Variants in ANO4 observed in about 807,000 individuals in gnomAD.
The protein encoded by ANO4 is anoctamin 4, also known as anoctamin-4.
In ANO4, 69 loss-of-function variants were observed where a neutral mutation model predicts 141.9. That is an observed-to-expected ratio of 0.49 (90% confidence interval 0.40 to 0.59). The LOEUF (loss-of-function observed/expected upper bound fraction) is 0.59, where lower values mean the gene tolerates loss of function less well. Ranked by LOEUF, ANO4 falls within the 20% of genes least tolerant of loss-of-function variation. The probability of loss-of-function intolerance (pLI) is 0.00; values close to 1 mark genes in which losing one functional copy is unlikely to be tolerated. For synonymous variants in ANO4, 350 were observed against 394.3 expected (o/e 0.89, Z 1.33); for missense variants, 894 against 1,162.2 (o/e 0.77, Z 3.36).
intron 2 of ANO4, 115 bp from the exon 3 acceptor site, chr12:100,922,111 T>C: frequency 1.6e-6 from 1 of 619,014 alleles, no homozygotes; most frequent in Non-Finnish European, 2.5e-6. Context: ...AGGAGGATCA[T>C]TGGCAAACCA....
chr12:100,783,819 G>A (rs527412026), intron 3 of ANO4, among the ~76,000 whole-genome samples: 1 of 152,248 alleles, frequency 6.6e-6, no homozygotes, highest in South Asian at 2.1e-4. Context: ...GGGTGTTGCT[G>A]CAGAAAAACC....
At chr12:101,038,210 G>A (rs1452752057) in intron 10 of ANO4, among the ~76,000 whole-genome samples, 2 of 152,176 alleles carry the variant, frequency 1.3e-5, no homozygotes, top group African/African-American at 2.4e-5. Context: ...ACAAAGGTTT[G>A]CTAGAGCCAT....
chr12:101,067,517 A>G (rs1004786812), intron 14 of ANO4, among the ~76,000 whole-genome samples: 3 of 152,192 alleles, frequency 2.0e-5, no homozygotes, highest in African/African-American at 7.2e-5. Flanking sequence ...CCTTGTCTCT[A>G]CTAAAAATAT....
At chr12:100,939,008 A>G (rs1313934227) in intron 3 of ANO4, among the ~76,000 whole-genome samples, 1 of 152,210 alleles carries the variant, frequency 6.6e-6, no homozygotes, top group East Asian at 1.9e-4. Context: ...ACCTTATGCC[A>G]AACAACTATG....
At chr12:100,828,435 A>G (rs1305465273) in intron 1 of ANO4, among the ~76,000 whole-genome samples, 1 of 152,046 alleles carries the variant, frequency 6.6e-6, no homozygotes, top group Non-Finnish European at 1.5e-5. Flanking sequence ...TTTGCTAAAA[A>G]GCGTAAAAGT....
chr12:100,952,391 G>A (rs2043005441), intron 5 of ANO4, among the ~76,000 whole-genome samples: 1 of 152,228 alleles, frequency 6.6e-6, no homozygotes, highest in African/African-American at 2.4e-5. Context: ...TTAGGAAAGA[G>A]TCTGGACATA....
chr12:100,903,911 G>A (rs1468339811), intron 2 of ANO4, among the ~76,000 whole-genome samples: 10 of 152,160 alleles, frequency 6.6e-5, no homozygotes, highest in Non-Finnish European at 1.3e-4. Context: ...ATAGACCATC[G>A]CATCTGAGTA....
intron 1 of ANO4, among the ~76,000 whole-genome samples, chr12:100,868,078 A>G (rs1336662069): frequency 6.6e-6 from 1 of 152,210 alleles, no homozygotes; most frequent in Non-Finnish European, 1.5e-5. Context: ...ATGGTGTACC[A>G]CAGCAATATT....
At chr12:100,725,484 C>T (rs1190149480) in intron 1 of ANO4, among the ~76,000 whole-genome samples, 4 of 151,670 alleles carry the variant, frequency 2.6e-5, no homozygotes, top group Non-Finnish European at 5.9e-5. Context: ...GTAGCTGGGA[C>T]TACAGGCGCC....
At chr12:100,815,889 A>G (rs1365353559) in intron 1 of ANO4, among the ~76,000 whole-genome samples, 2 of 152,102 alleles carry the variant, frequency 1.3e-5, no homozygotes, top group Non-Finnish European at 2.9e-5. Flanking sequence ...GCATATTTAA[A>G]TATTGCAGTA....
intron 1 of ANO4, among the ~76,000 whole-genome samples, chr12:100,840,822 C>G (rs150261955): frequency 6.6e-6 from 1 of 152,204 alleles, no homozygotes; most frequent in African/African-American, 2.4e-5. Context: ...TGTGAATTGG[C>G]CAAAGGCATC....
At chr12:100,806,332 T>C (rs1005957464) in intron 1 of ANO4, among the ~76,000 whole-genome samples, 1 of 152,082 alleles carries the variant, frequency 6.6e-6, no homozygotes, top group African/African-American at 2.4e-5. Flanking sequence ...CTATGCCCAC[T>C]AGCAAGCATT....
chr12:101,031,737 C>T (rs139807330), intron 9 of ANO4, among the ~76,000 whole-genome samples: 1 of 152,304 alleles, frequency 6.6e-6, no homozygotes, highest in African/African-American at 2.4e-5. Flanking sequence ...AGCAAAGTCT[C>T]AGGATACAAA....
rs769301095 is a variant in ANO4, at chr12:101,083,827, C to T, written c.1536+9C>T. On this transcript the variant is annotated intron_variant, in intron 16 of 27. Transcript: ENST00000392977. ...CTGGAATATTTTTTATGGTTTGAAA[C>T]TTTTAAAAAAATATTTGTTTCATAA... 18 of 1,543,468 alleles carry T rather than the reference C, an allele frequency of 1.2e-5. No homozygotes were observed. Among genetic ancestry groups the T allele is most frequent in the Non-Finnish European group, 1.5e-5 (17 of 1,153,548 alleles).
chr12:100,867,610 T>TCA (rs1486600252), intron 1 of ANO4, among the ~76,000 whole-genome samples: 4 of 96,932 alleles, frequency 4.1e-5, no homozygotes, highest in African/African-American at 1.5e-4. Flanking sequence ...TCTCTCTCTC[T>TCA]CTCACACACA....
intron 3 of ANO4, among the ~76,000 whole-genome samples, chr12:100,930,589 A>AT (rs1018536298): frequency 9.4e-5 from 10 of 105,886 alleles, no homozygotes; most frequent in Non-Finnish European, 2.1e-4. Flanking sequence ...TTAAATGAAT[A>AT]TTTTTTTTAA....
At chr12:100,757,892 C>T (rs1011362114) in intron 3 of ANO4, among the ~76,000 whole-genome samples, 2 of 152,168 alleles carry the variant, frequency 1.3e-5, no homozygotes, top group African/African-American at 4.8e-5. Context: ...CCATCTATGT[C>T]TATTTTACTC....
intron 3 of ANO4, among the ~76,000 whole-genome samples, chr12:100,938,599 A>C (rs2042382794): frequency 6.6e-6 from 1 of 152,204 alleles, no homozygotes; most frequent in South Asian, 2.1e-4. Context: ...TGATGAACTT[A>C]AATTTCTGGC....
chr12:100,827,005 T>G (rs1006955782), intron 1 of ANO4, among the ~76,000 whole-genome samples: 1 of 152,082 alleles, frequency 6.6e-6, no homozygotes, highest in Non-Finnish European at 1.5e-5. Context: ...GTCCTACTTA[T>G]GTCCTTCTAC....
Sources: gnomAD v4.1 joint callset for allele counts (sites outside exome capture counted in the v4.1 genomes callset) on GRCh38, gnomAD v4.1.1 for gene constraint, MANE v1.5 for transcripts, NCBI Gene and HGNC (gene_info 2026-07-23, HGNC 2026-07-21) for gene names.